RYR2: variants seen among roughly 807,000 people sequenced by gnomAD.
RYR2 encodes the protein ryanodine receptor 2.
RYR2 carries 227 observed loss-of-function variants against 601.1 expected under a neutral mutation model. That is an observed-to-expected ratio of 0.38 (90% CI 0.34 to 0.42). The LOEUF is 0.42. RYR2 is among the 10% of genes least tolerant of loss of function. The pLI is 1.00. For missense variants in RYR2, 4,646 were observed against 6,156.5 expected (o/e 0.75, Z 8.21); for synonymous variants, 2,223 against 2,175.1 (o/e 1.02, Z -0.61).
chr1:237,240,761 C>T (rs1686081927), intron 1 of RYR2, among the ~76,000 whole-genome samples: 1 of 145,502 alleles, frequency 6.9e-6, no homozygotes, highest in African/African-American at 2.5e-5. Context: ...CTTTAAGTTT[C>T]CTTCCTACTC....
At chr1:237,259,752 C>T (rs570899660) in intron 1 of RYR2, among the ~76,000 whole-genome samples, 26 of 152,160 alleles carry the variant, frequency 1.7e-4, no homozygotes, top group Admixed American at 1.3e-3. Flanking sequence ...TTCACAGAAC[C>T]GTAAAATGTG....
intron 55 of RYR2, 84 bp downstream of exon 55, chr1:237,660,158 A>G (rs934434277): frequency 2.9e-6 from 2 of 700,540 alleles, no homozygotes; most frequent in African/African-American, 3.8e-5. Context: ...TTATATTAAA[A>G]TGTCTTCTTT....
At chr1:237,173,887 T>C (rs1234274401) in intron 1 of RYR2, among the ~76,000 whole-genome samples, 1 of 152,056 alleles carries the variant, frequency 6.6e-6, no homozygotes, top group Non-Finnish European at 1.5e-5. Flanking sequence ...AAGCCCCGTC[T>C]CTACTAAAAA....
intron 1 of RYR2, among the ~76,000 whole-genome samples, chr1:237,059,646 G>A (rs1662604250): frequency 2.0e-5 from 3 of 152,174 alleles, no homozygotes; most frequent in Admixed American, 6.5e-5. Flanking sequence ...AAAAACTACT[G>A]TAAGTTATGG....
rs931703561 is a variant in RYR2 at position 237,628,327 on chromosome 1, G to A, written c.6440+247G>A. Among the ~76,000 whole-genome samples the A allele has an allele frequency of 6.6e-5, 10 of 151,178 alleles. No homozygotes were observed. In the South Asian group the frequency reaches 8.4e-4, roughly 13 times the overall value. Reference sequence around the variant, plus strand: ...GCTGGTGCGCTGCACCCACTAACTCGTCATTTAGCATTAGGTATATCTCCT... The same window carrying A: ...GCTGGTGCGCTGCACCCACTAACTCATCATTTAGCATTAGGTATATCTCCT... On this transcript the variant is annotated intron_variant, in intron 41 of 104. Transcript: ENST00000366574.
At chr1:237,350,250 A>G (rs1202946333) in intron 3 of RYR2, among the ~76,000 whole-genome samples, 1 of 152,026 alleles carries the variant, frequency 6.6e-6, no homozygotes, top group Non-Finnish European at 1.5e-5. Context: ...GGTAAAGTTG[A>G]ATCTAAAGAA....
chr1:237,525,292 G>C (rs1372681236), intron 24 of RYR2, among the ~76,000 whole-genome samples: 1 of 152,082 alleles, frequency 6.6e-6, no homozygotes, highest in African/African-American at 2.4e-5. Flanking sequence ...AGAAGGACAT[G>C]ATTTCATTCT....
At chr1:237,735,839 T>A (rs563731918) in intron 79 of RYR2, among the ~76,000 whole-genome samples, 1 of 152,342 alleles carries the variant, frequency 6.6e-6, no homozygotes, top group East Asian at 1.9e-4. Flanking sequence ...AAGAAAAATA[T>A]CTGTACATGT....
Position 237,786,101 on chromosome 1 carries a change from C to T in RYR2, c.13328+65C>T, listed in dbSNP as rs1657520123. The T allele has an allele frequency of 3.9e-6, 4 of 1,028,990 alleles. No individual in the cohort carries two copies. In the South Asian group the frequency reaches 5.8e-5, roughly 15 times the overall value. The allele number at this position is 1,028,990 out of a possible 1,614,324, so 63.7% of individuals were successfully genotyped here. On this transcript the variant is annotated intron_variant, in intron 91 of 104. Coordinates refer to ENST00000366574, the MANE Select transcript of RYR2 (RefSeq NM_001035.3). ...TGTCATTACATCTCTTTTTCTTGTACTCTGTCTTTGGGAGCTGCAAGGGAG... is the reference window on the plus strand; with the variant it reads ...TGTCATTACATCTCTTTTTCTTGTATTCTGTCTTTGGGAGCTGCAAGGGAG...
intron 1 of RYR2, among the ~76,000 whole-genome samples, chr1:237,150,039 G>T (rs1674537905): frequency 6.6e-6 from 1 of 152,220 alleles, no homozygotes; most frequent in Admixed American, 6.5e-5. Context: ...CATTTACTGA[G>T]AACTTATATA....
intron 1 of RYR2, among the ~76,000 whole-genome samples, chr1:237,263,307 G>A (rs945812716): frequency 2.6e-5 from 4 of 152,206 alleles, no homozygotes; most frequent in Non-Finnish European, 5.9e-5. Context: ...TCTTAAGGTG[G>A]ATTGTGATAA....
intron 48 of RYR2, among the ~76,000 whole-genome samples, chr1:237,646,020 G>T (rs1401267043): frequency 6.6e-6 from 1 of 151,622 alleles, no homozygotes; most frequent in African/African-American, 2.4e-5. Flanking sequence ...GGGACTACAG[G>T]CGCCCGCCAC....
chr1:237,237,108 G>A (rs188039624), intron 1 of RYR2, among the ~76,000 whole-genome samples: 120 of 152,244 alleles, frequency 7.9e-4, no homozygotes, highest in Admixed American at 1.4e-3. Flanking sequence ...AGACACACCT[G>A]CTTCCCCTTC....
intron 25 of RYR2, among the ~76,000 whole-genome samples, chr1:237,546,976 CAT>C (rs558814390): frequency 4.1e-4 from 40 of 97,490 alleles, no homozygotes; most frequent in Middle Eastern, 5.0e-3. Flanking sequence ...TTTTCAAAAG[CAT>C]ATATATATAT....
At chr1:237,524,784 G>T (rs1016819433) in intron 24 of RYR2, among the ~76,000 whole-genome samples, 3 of 150,904 alleles carry the variant, frequency 2.0e-5, no homozygotes, top group Non-Finnish European at 4.4e-5. Context: ...GAATTGGCAG[G>T]GTGCTGGCAA....
intron 1 of RYR2, among the ~76,000 whole-genome samples, chr1:237,084,572 G>A (rs187063602): frequency 1.3e-5 from 2 of 152,098 alleles, no homozygotes; most frequent in South Asian, 2.1e-4. Flanking sequence ...ATGGAAAGGC[G>A]GGGGAGGGGT....
intron 2 of RYR2, among the ~76,000 whole-genome samples, chr1:237,323,133 T>TC: frequency 6.6e-6 from 1 of 152,266 alleles, no homozygotes; most frequent in African/African-American, 2.4e-5. Context: ...ATACTTGTTT[T>TC]CCAGAGAGTT....
At chr1:237,131,560 C>T (rs1672177048) in intron 1 of RYR2, among the ~76,000 whole-genome samples, 2 of 152,064 alleles carry the variant, frequency 1.3e-5, no homozygotes, top group South Asian at 4.2e-4. Context: ...AAGGTTAATA[C>T]TAGGCTTGAA....
chr1:237,447,627 C>G (rs920265662), intron 14 of RYR2, among the ~76,000 whole-genome samples: 1 of 152,070 alleles, frequency 6.6e-6, no homozygotes, highest in African/African-American at 2.4e-5. Flanking sequence ...TCTTGCCTTG[C>G]TCTCTTTTTT....
Sources: gnomAD v4.1 joint callset for allele counts (sites outside exome capture counted in the v4.1 genomes callset) on GRCh38, gnomAD v4.1.1 for gene constraint, MANE v1.5 for transcripts, NCBI Gene and HGNC (gene_info 2026-07-23, HGNC 2026-07-21) for gene names.